RAB3GAP1: variants seen among roughly 807,000 people sequenced by gnomAD.
RAB3GAP1 encodes RAB3 GTPase activating protein catalytic subunit 1, also known as rab3 GTPase-activating protein catalytic subunit.
A neutral mutation model predicts 130.7 loss-of-function variants in RAB3GAP1; 86 were observed. The observed-to-expected ratio is 0.66, with a 90% CI of 0.55 to 0.79. The LOEUF (loss-of-function observed/expected upper bound fraction) is 0.79, where lower values mean the gene tolerates loss of function less well. RAB3GAP1 is among the 30% of genes least tolerant of loss of function. RAB3GAP1 has a pLI of 0.00. For missense variants in RAB3GAP1, 1,029 were observed against 1,169.4 expected (o/e 0.88, Z 1.75); for synonymous variants, 367 against 401.7 (o/e 0.91, Z 1.03).
In RAB3GAP1 at chr2:135,058,133, C is replaced by A. The variant is rs1171946694; in HGVS notation, c.150+47C>A. 6 of 1,475,496 alleles carry A rather than the reference C, an allele frequency of 4.1e-6. No individual in the cohort carries two copies. In the South Asian group the frequency reaches 5.7e-5, roughly 14 times the overall value. The allele number at this position is 1,475,496 out of a possible 1,614,324, so 91.4% of individuals were successfully genotyped here. On this transcript the variant is annotated intron_variant, in intron 3 of 23. Coordinates refer to ENST00000264158, the MANE Select transcript of RAB3GAP1 (RefSeq NM_012233.3). ...CTCTAAATGACTATTTACTTTGAAA[C>A]CTCTATTTTCCAGCCCTTTGCTGCA...
intron 11 of RAB3GAP1, among the ~76,000 whole-genome samples, chr2:135,127,426 C>T (rs1193006676): frequency 6.6e-6 from 1 of 151,978 alleles, no homozygotes; most frequent in African/African-American, 2.4e-5. Flanking sequence ...TCACTGTAAG[C>T]TCCGCCTCCC....
intron 3 of RAB3GAP1, among the ~76,000 whole-genome samples, chr2:135,082,298 C>T (rs1689847607): frequency 6.6e-6 from 1 of 152,044 alleles, no homozygotes; most frequent in Non-Finnish European, 1.5e-5. Context: ...AGAATATTTT[C>T]ACCACCACCT....
intron 3 of RAB3GAP1, among the ~76,000 whole-genome samples, chr2:135,083,026 A>G (rs1689871753): frequency 6.6e-6 from 1 of 152,104 alleles, no homozygotes; most frequent in Non-Finnish European, 1.5e-5. Context: ...TATAAATAGT[A>G]GGTATACTGT....
intron 15 of RAB3GAP1, 132 bp downstream of exon 15, chr2:135,134,165 G>T (rs781026995): frequency 8.6e-6 from 8 of 932,718 alleles, no homozygotes; most frequent in Non-Finnish European, 1.3e-5. Context: ...CATGATTTAT[G>T]TTCAGAGGTG....
chr2:135,058,322 TATAA>T, intron 3 of RAB3GAP1: 1 of 303,640 alleles, frequency 3.3e-6, no homozygotes, highest in Non-Finnish European at 6.0e-6. Context: ...TATATATATA[TATAA>T]AATGTCATTC....
intron 17 of RAB3GAP1, among the ~76,000 whole-genome samples, chr2:135,137,958 TGGAACTACAG>T (rs1198643214): frequency 6.6e-6 from 1 of 152,008 alleles, no homozygotes; most frequent in Non-Finnish European, 1.5e-5. Flanking sequence ...CTCAAGTAGC[TGGAACTACAG>T]GTGCATGCCA....
At chr2:135,054,106 A>G (rs546042865) in intron 2 of RAB3GAP1, among the ~76,000 whole-genome samples, 93 of 152,358 alleles carry the variant, frequency 6.1e-4, no homozygotes, top group Non-Finnish European at 1.1e-3. Context: ...CAAACTAAAT[A>G]CAGGAATCCA....
chr2:135,136,838 C>G (rs1439883183), intron 17 of RAB3GAP1: 2 of 459,682 alleles, frequency 4.4e-6, no homozygotes, highest in Non-Finnish European at 6.8e-6. Flanking sequence ...CTCAAGCCTG[C>G]AAGCCCCACA....
intron 3 of RAB3GAP1, among the ~76,000 whole-genome samples, chr2:135,076,264 T>C (rs1317970606): frequency 6.6e-6 from 1 of 152,230 alleles, no homozygotes; most frequent in Admixed American, 6.5e-5. Flanking sequence ...ATGATTCTTA[T>C]TTTTGATAAA....
rs1473286103 is a variant in RAB3GAP1, at chr2:135,090,994, A to G, written c.151-4A>G. 24 of 1,611,204 alleles carry G rather than the reference A, an allele frequency of 1.5e-5. No individual in the cohort carries two copies. Among genetic ancestry groups the G allele is most frequent in the Non-Finnish European group, 2.0e-5 (23 of 1,177,622 alleles). On this transcript the variant is annotated splice_polypyrimidine_tract_variant and splice_region_variant and intron_variant, in intron 3 of 23. Coordinates refer to ENST00000264158, the MANE Select transcript of RAB3GAP1 (RefSeq NM_012233.3). ...ATATTTTGCCATTTTATTGGTACATATAGGGTATATTTACTTCTGGCACAT... is the reference window on the plus strand; with the variant it reads ...ATATTTTGCCATTTTATTGGTACATGTAGGGTATATTTACTTCTGGCACAT...
In RAB3GAP1 at chr2:135,169,526, G is replaced by A. The variant is rs931858614; in HGVS notation, c.*745G>A. ...CATGGAAGTTATGGCCCTGAAAATC[G>A]TCTCCCTCCCCTTCTCTTGCTGTAC... On this transcript the variant is annotated 3_prime_UTR_variant, in exon 24 of 24. Coordinates refer to ENST00000264158, the MANE Select transcript of RAB3GAP1 (RefSeq NM_012233.3). The A allele has an allele frequency of 5.6e-5, 10 of 177,804 alleles. No individual in the cohort carries two copies. The highest frequency in any genetic ancestry group is 3.5e-4 in the South Asian group (3 of 8,628). The allele number at this position is 177,804 out of a possible 1,614,324, so 11.0% of individuals were successfully genotyped here. A position where few individuals can be genotyped will look rare whatever the true frequency, so the allele number is the denominator to read the frequency against.
At chr2:135,150,554 G>A in intron 18 of RAB3GAP1, 48 bp downstream of exon 18, 2 of 1,610,970 alleles carry the variant, frequency 1.2e-6, no homozygotes, top group East Asian at 2.2e-5. Context: ...GCTATTCTGG[G>A]ATGAAACTGT....
In RAB3GAP1 at chr2:135,091,123, A is replaced by G. The variant is rs746088814; in HGVS notation, c.276A>G (p.Leu92=). 2 of 1,585,866 alleles carry G rather than the reference A, an allele frequency of 1.3e-6. No homozygotes were observed. The highest frequency in any genetic ancestry group is 1.7e-5 in the Admixed American group (1 of 59,958). Residue 92 remains leucine (L), a synonymous_variant, in exon 4 of 24, where the codon TTA becomes TTG. Coordinates refer to ENST00000264158, the MANE Select transcript of RAB3GAP1 (RefSeq NM_012233.3). ...ESTDKEGKDE[L]LEDVVPQSMQ... is the part of the protein sequence containing the mutation. ...CTGATAAAGAAGGAAAGGATGAGTT[A>G]TTAGAGGGTAAGTTATTTCTATATA...
chr2:135,165,554 T>C (rs967407951), intron 23 of RAB3GAP1, among the ~76,000 whole-genome samples: 1 of 152,222 alleles, frequency 6.6e-6, no homozygotes, highest in Non-Finnish European at 1.5e-5. Context: ...AGTTAATATA[T>C]TCAAATTCAT....
chr2:135,135,646 C>T lies in RAB3GAP1; in HGVS notation c.1637C>T (p.Pro546Leu). The stretch of plus-strand genomic sequence containing the variant: ...GCTTCAGATGTCACTAATATATATC[C>T]AGGGGATGCTGGAAAAGCAGGAGAC... ...TSASDVTNIY[P>L]GDAGKAGDQL... The change falls in exon 17 of 24, where the codon CCA becomes CTA. Residue 546 changes from proline (P) to leucine (L), a missense_variant. Pro to Leu is a moderately conservative substitution (Grantham distance 98, BLOSUM62 -3). Transcript: ENST00000264158. 6.2e-7 allele frequency: 1 copy of T among 1,613,322 alleles called. No homozygotes were observed. The highest frequency in any genetic ancestry group is 8.5e-7 in the Non-Finnish European group (1 of 1,179,774).
intron 3 of RAB3GAP1, among the ~76,000 whole-genome samples, chr2:135,075,621 A>G (rs893429311): frequency 7.0e-6 from 1 of 143,456 alleles, no homozygotes; most frequent in East Asian, 2.0e-4. Flanking sequence ...ATTGTTCTAC[A>G]TACTCTTGCA....
At chr2:135,155,701 T>G (rs1392862076) in intron 19 of RAB3GAP1, among the ~76,000 whole-genome samples, 1 of 152,114 alleles carries the variant, frequency 6.6e-6, no homozygotes, top group African/African-American at 2.4e-5. Context: ...TATGAACCTA[T>G]AGGCTATACT....
intron 12 of RAB3GAP1, 59 bp downstream of exon 12, chr2:135,130,146 A>T: frequency 7.5e-7 from 1 of 1,341,008 alleles, no homozygotes; most frequent in Non-Finnish European, 1.1e-6. Context: ...TCCTTGGCAC[A>T]TTTTTCAGCA....
At chr2:135,092,686 C>T (rs897207089) in intron 4 of RAB3GAP1, among the ~76,000 whole-genome samples, 1 of 152,176 alleles carries the variant, frequency 6.6e-6, no homozygotes, top group African/African-American at 2.4e-5. Flanking sequence ...GATCCACCTG[C>T]CTCGGCCTTC....
Sources: gnomAD v4.1 joint callset for allele counts (sites outside exome capture counted in the v4.1 genomes callset) on GRCh38, gnomAD v4.1.1 for gene constraint, MANE v1.5 for transcripts, NCBI Gene and HGNC (gene_info 2026-07-23, HGNC 2026-07-21) for gene names.